The following ZNF385B variants were observed in gnomAD, a reference collection of about 807,000 sequenced individuals.
The protein encoded by ZNF385B is zinc finger protein 533.
A neutral mutation model predicts 39.2 loss-of-function variants in ZNF385B; 23 were observed. That is an observed-to-expected ratio of 0.59 (90% CI 0.42 to 0.83). The LOEUF is 0.83. Among genes scored for constraint, ZNF385B ranks in the 40% least tolerant of loss-of-function variants. The probability of loss-of-function intolerance (pLI) is 0.00; values close to 1 mark genes in which losing one functional copy is unlikely to be tolerated. For missense variants in ZNF385B, 552 were observed against 598.9 expected, an observed-to-expected ratio of 0.92 and a Z score of 0.82; for synonymous variants, 205 against 222.6, an observed-to-expected ratio of 0.92 and a Z score of 0.70.
At chr2:179,686,031 C>T (rs897351843) in intron 3 of ZNF385B, among the ~76,000 whole-genome samples, 1 of 152,160 alleles carries the variant, frequency 6.6e-6, no homozygotes, top group Non-Finnish European at 1.5e-5. Flanking sequence ...CTTTCAGCAC[C>T]ACTGCTCCTT....
Position 179,790,464 on chromosome 2 carries a change from T to C in ZNF385B, c.-154-19792A>G, listed in dbSNP as rs1705260255. On this transcript the variant is annotated intron_variant, in intron 1 of 9. Transcript: ENST00000410066. ...GGCCTGTAGTGTCTGATTCAGTAAA[T>C]TTGGCATTTGTGTAATTGATGGAAT... Among the ~76,000 whole-genome samples the C allele has an allele frequency of 3.3e-5, 5 of 152,262 alleles. No homozygotes were observed. In the Middle Eastern group the frequency reaches 0.014, roughly 414 times the overall value.
chr2:179,535,542 G>T (rs989074843), intron 4 of ZNF385B, among the ~76,000 whole-genome samples: 8 of 152,052 alleles, frequency 5.3e-5, no homozygotes, highest in Non-Finnish European at 2.9e-5. Flanking sequence ...TTTGCAAAAA[G>T]GGCACAACAA....
At chr2:179,472,940 A>G (rs2052951269) in intron 6 of ZNF385B, among the ~76,000 whole-genome samples, 1 of 152,194 alleles carries the variant, frequency 6.6e-6, no homozygotes, top group Non-Finnish European at 1.5e-5. Context: ...CACCTTAATG[A>G]AAACAAAGAA....
intron 3 of ZNF385B, among the ~76,000 whole-genome samples, chr2:179,768,853 G>A (rs972143487): frequency 2.0e-5 from 3 of 152,242 alleles, no homozygotes; most frequent in South Asian, 2.1e-4. Flanking sequence ...AGGCAGAAAT[G>A]CAAAAATTCC....
At chr2:179,497,550 A>G (rs1422147339) in intron 5 of ZNF385B, among the ~76,000 whole-genome samples, 1 of 152,050 alleles carries the variant, frequency 6.6e-6, no homozygotes, top group African/African-American at 2.4e-5. Flanking sequence ...CAAAAAAAAA[A>G]TACAATGAAT....
At position 179,572,943 on chromosome 2, in the gene ZNF385B, C is replaced by A. The variant is rs1410005807; in HGVS notation, c.299-27974G>T. On this transcript the variant is annotated intron_variant, in intron 3 of 9. Coordinates refer to ENST00000410066, the MANE Select transcript of ZNF385B (RefSeq NM_152520.6). Reference sequence around the variant, plus strand: ...TTATAATTCCTCTGTCAAAGATAATCATTTGTTTAAAATATGTGGCTATCA... The same window carrying A: ...TTATAATTCCTCTGTCAAAGATAATAATTTGTTTAAAATATGTGGCTATCA... 2.6e-5 allele frequency among the ~76,000 whole-genome samples: 4 copies of A among 152,142 alleles called. No individual in the cohort carries two copies. The South Asian group carries it at 6.2e-4, about 24-fold the overall frequency.
intron 3 of ZNF385B, among the ~76,000 whole-genome samples, chr2:179,708,479 C>T (rs1226587207): frequency 6.6e-6 from 1 of 152,202 alleles, no homozygotes; most frequent in African/African-American, 2.4e-5. Flanking sequence ...TGACCTTCAT[C>T]ATCAGTTCCA....
At chr2:179,732,712 A>G (rs1322178123) in intron 3 of ZNF385B, among the ~76,000 whole-genome samples, 3 of 152,198 alleles carry the variant, frequency 2.0e-5, no homozygotes, top group Non-Finnish European at 4.4e-5. Flanking sequence ...TAAAATGTCC[A>G]TCATCTCATC....
At chr2:179,489,044 A>G (rs2105635369) in intron 5 of ZNF385B, among the ~76,000 whole-genome samples, 1 of 152,348 alleles carries the variant, frequency 6.6e-6, no homozygotes, top group Middle Eastern at 3.4e-3. Flanking sequence ...AACAAAGAAT[A>G]TGAGAATCAG....
In ZNF385B at chr2:179,446,521, T is replaced by A. The variant is rs2049492173; in HGVS notation, c.961+4A>T. 6.2e-7 allele frequency: 1 copy of A among 1,609,704 alleles called. No homozygotes were observed. Among genetic ancestry groups the A allele is most frequent in the Non-Finnish European group, 8.5e-7 (1 of 1,178,186 alleles). On this transcript the variant is annotated splice_donor_region_variant and intron_variant, in intron 7 of 9. Coordinates refer to ENST00000410066, the MANE Select transcript of ZNF385B (RefSeq NM_152520.6). Reference sequence around the variant, plus strand: ...TTATTTAAATGCAAAAGATAGCTGCTAACCTGTGTTGTGTGCCTCTAGCTG... The same window carrying A: ...TTATTTAAATGCAAAAGATAGCTGCAAACCTGTGTTGTGTGCCTCTAGCTG...
intron 3 of ZNF385B, among the ~76,000 whole-genome samples, chr2:179,686,735 A>G (rs757510689): frequency 2.0e-5 from 3 of 152,186 alleles, no homozygotes; most frequent in Non-Finnish European, 4.4e-5. Flanking sequence ...CTTGTGAGAA[A>G]TCAGCTAAAA....
intron 3 of ZNF385B, among the ~76,000 whole-genome samples, chr2:179,700,576 G>C (rs1699115556): frequency 6.6e-6 from 1 of 152,238 alleles, no homozygotes; most frequent in Non-Finnish European, 1.5e-5. Flanking sequence ...TGATGATAGA[G>C]AGTAGAGTGC....
chr2:179,783,602 C>T (rs1704804812), intron 1 of ZNF385B, among the ~76,000 whole-genome samples: 1 of 152,154 alleles, frequency 6.6e-6, no homozygotes, highest in South Asian at 2.1e-4. Context: ...GGTCTAGTAT[C>T]TAGCATCTAT....
intron 4 of ZNF385B, among the ~76,000 whole-genome samples, chr2:179,535,849 T>G (rs2059529324): frequency 6.6e-6 from 1 of 152,190 alleles, no homozygotes; most frequent in Non-Finnish European, 1.5e-5. Flanking sequence ...AAAGCAACTA[T>G]AAAAGTAAAG....
At chr2:179,535,554 GAC>G (rs1390877448) in intron 4 of ZNF385B, among the ~76,000 whole-genome samples, 1 of 152,116 alleles carries the variant, frequency 6.6e-6, no homozygotes, top group Non-Finnish European at 1.5e-5. Context: ...GCACAACAAT[GAC>G]ACATGTAATC....
chr2:179,503,878 C>T (rs1325944657), intron 5 of ZNF385B, among the ~76,000 whole-genome samples: 53 of 120,116 alleles, frequency 4.4e-4, no homozygotes, highest in Non-Finnish European at 5.4e-4. Flanking sequence ...TTTTTTCATT[C>T]TTTTTTTTTT....
intron 6 of ZNF385B, among the ~76,000 whole-genome samples, chr2:179,474,305 G>A (rs13007260): frequency 0.22 from 34,160 of 152,006 alleles, 4,346 homozygotes; most frequent in East Asian, 0.46. Flanking sequence ...GACAGCCCGA[G>A]TGAGACTCTG....
intron 8 of ZNF385B, 74 bp downstream of exon 8, chr2:179,445,476 A>T: frequency 6.8e-7 from 1 of 1,465,530 alleles, no homozygotes; most frequent in Non-Finnish European, 9.2e-7. Flanking sequence ...AGTAAAAACC[A>T]TTCTATAGAT....
intron 3 of ZNF385B, among the ~76,000 whole-genome samples, chr2:179,761,761 C>CTTTTTTT (rs34325728): frequency 2.4e-3 from 266 of 110,140 alleles, no homozygotes; most frequent in Middle Eastern, 6.2e-3. Flanking sequence ...TTTTTCTTTT[C>CTTTTTTT]TTTTTTTTTT....
Sources: gnomAD v4.1 joint callset for allele counts (sites outside exome capture counted in the v4.1 genomes callset) on GRCh38, gnomAD v4.1.1 for gene constraint, MANE v1.5 for transcripts, NCBI Gene and HGNC (gene_info 2026-07-23, HGNC 2026-07-21) for gene names.